KCND2: variants seen among roughly 807,000 people sequenced by gnomAD.
KCND2 encodes A-type voltage-gated potassium channel KCND2.
In KCND2, 16 loss-of-function variants were observed where a neutral mutation model predicts 54.4. That is an observed-to-expected ratio of 0.29 (90% CI 0.20 to 0.45). KCND2 has a LOEUF of 0.45. KCND2 is among the 20% of genes least tolerant of loss of function. KCND2 has a pLI of 1.00. For missense variants in KCND2, 486 were observed against 824.2 expected (o/e 0.59, Z 5.02); for synonymous variants, 317 against 310.7 (o/e 1.02, Z -0.21).
intron 1 of KCND2, among the ~76,000 whole-genome samples, chr7:120,384,848 G>A (rs1800965031): frequency 6.6e-6 from 1 of 152,060 alleles, no homozygotes; most frequent in South Asian, 2.1e-4. Context: ...TACACAAGGA[G>A]AACTTGTGCC....
chr7:120,421,956 G>A (rs905448775), intron 1 of KCND2, among the ~76,000 whole-genome samples: 2 of 152,146 alleles, frequency 1.3e-5, no homozygotes, highest in South Asian at 4.1e-4. Flanking sequence ...GATGGCAGCT[G>A]GGAAATTCAG....
At chr7:120,627,245 A>C (rs764170417) in intron 1 of KCND2, among the ~76,000 whole-genome samples, 2 of 152,210 alleles carry the variant, frequency 1.3e-5, no homozygotes, top group Non-Finnish European at 2.9e-5. Context: ...TTTTTTATGT[A>C]GAAGAAGAGA....
At chr7:120,468,014 T>G (rs1421288378) in intron 1 of KCND2, among the ~76,000 whole-genome samples, 1 of 152,116 alleles carries the variant, frequency 6.6e-6, no homozygotes, top group Non-Finnish European at 1.5e-5. Context: ...AAATGACAAT[T>G]ATATGTATAT....
intron 1 of KCND2, among the ~76,000 whole-genome samples, chr7:120,296,345 C>CT (rs1485930387): frequency 6.6e-6 from 1 of 152,024 alleles, no homozygotes; most frequent in East Asian, 1.9e-4. Context: ...CACAAAGTTT[C>CT]TAAGTACTGG....
At chr7:120,297,120 C>T (rs1799522918) in intron 1 of KCND2, among the ~76,000 whole-genome samples, 1 of 151,936 alleles carries the variant, frequency 6.6e-6, no homozygotes, top group African/African-American at 2.4e-5. Context: ...GTATCCATTA[C>T]CCACATCACG....
Position 120,444,913 on chromosome 7 carries a change from C to T in KCND2, c.1115+169166C>T, listed in dbSNP as rs185379806. On this transcript the variant is annotated intron_variant, in intron 1 of 5. Transcript: ENST00000331113. ...ATTAACACTTACCTCAGTGGAAGCA[C>T]GACCTCAACTGTCATTGGGCATGTT... Among the ~76,000 whole-genome samples the T allele has an allele frequency of 7.9e-5, 12 of 152,138 alleles. No homozygotes were observed. The East Asian group carries it at 1.5e-3, about 20-fold the overall frequency.
chr7:120,479,962 C>CAAA (rs35246643), intron 1 of KCND2, among the ~76,000 whole-genome samples: 2 of 68,860 alleles, frequency 2.9e-5, no homozygotes, highest in African/African-American at 5.7e-5. Flanking sequence ...GTAAGACTGT[C>CAAA]AAAAAAAAAA....
intron 2 of KCND2, among the ~76,000 whole-genome samples, chr7:120,733,417 A>G (rs1207018612): frequency 6.6e-6 from 1 of 152,168 alleles, no homozygotes; most frequent in East Asian, 1.9e-4. Flanking sequence ...CTATTGCATT[A>G]ACCAAAGCAA....
intron 2 of KCND2, among the ~76,000 whole-genome samples, chr7:120,737,093 A>C (rs1185121930): frequency 6.7e-6 from 1 of 148,242 alleles, no homozygotes; most frequent in African/African-American, 2.5e-5. Context: ...AAAAAAAAAA[A>C]CAAAACAAAA....
At chr7:120,546,767 T>C (rs956240590) in intron 1 of KCND2, among the ~76,000 whole-genome samples, 1 of 152,028 alleles carries the variant, frequency 6.6e-6, no homozygotes, top group Non-Finnish European at 1.5e-5. Context: ...ATTATCTACA[T>C]GGCTAAGAAT....
At chr7:120,324,538 A>G (rs1435263475) in intron 1 of KCND2, among the ~76,000 whole-genome samples, 3 of 150,068 alleles carry the variant, frequency 2.0e-5, no homozygotes, top group Non-Finnish European at 3.0e-5. Flanking sequence ...TTTTCCCAGC[A>G]CCATTTATTA....
intron 1 of KCND2, among the ~76,000 whole-genome samples, chr7:120,524,548 G>A (rs929264034): frequency 1.3e-5 from 2 of 151,820 alleles, no homozygotes; most frequent in South Asian, 2.1e-4. Flanking sequence ...TGTAACTATT[G>A]TGCTTTTACC....
chr7:120,351,370 A>G (rs912944831), intron 1 of KCND2, among the ~76,000 whole-genome samples: 15 of 5,384 alleles, frequency 2.8e-3, no homozygotes, highest in Admixed American at 5.1e-3. Context: ...GAGCATACAC[A>G]CACACACACA....
intron 1 of KCND2, among the ~76,000 whole-genome samples, chr7:120,678,392 GACACATACACACATATATAT>G (rs201716394): frequency 0.02 from 2,511 of 124,528 alleles, 140 homozygotes; most frequent in East Asian, 0.14. Context: ...CACATATATA[GACACATACACACATATATAT>G]ACACATACAC....
chr7:120,685,502 A>G (rs1265556206), intron 1 of KCND2, among the ~76,000 whole-genome samples: 2 of 152,114 alleles, frequency 1.3e-5, no homozygotes, highest in Non-Finnish European at 2.9e-5. Flanking sequence ...CAGTGGCAAA[A>G]TTTGGTACTC....
At chr7:120,462,560 A>C (rs1166896845) in intron 1 of KCND2, among the ~76,000 whole-genome samples, 1 of 152,064 alleles carries the variant, frequency 6.6e-6, no homozygotes, top group East Asian at 1.9e-4. Flanking sequence ...ACAGAATAAT[A>C]TTTATGAGTA....
intron 1 of KCND2, among the ~76,000 whole-genome samples, chr7:120,629,642 A>G (rs964340685): frequency 6.6e-6 from 1 of 152,222 alleles, no homozygotes; most frequent in Non-Finnish European, 1.5e-5. Flanking sequence ...GATGGGGTCA[A>G]GGTGGACGCT....
chr7:120,692,788 G>A (rs1341467813), intron 1 of KCND2, among the ~76,000 whole-genome samples: 1 of 152,084 alleles, frequency 6.6e-6, no homozygotes, highest in African/African-American at 2.4e-5. Context: ...GCCCCTGTGG[G>A]GCATTTCACA....
intron 1 of KCND2, among the ~76,000 whole-genome samples, chr7:120,329,494 T>G (rs2116344762): frequency 6.6e-6 from 1 of 152,288 alleles, no homozygotes; most frequent in African/African-American, 2.4e-5. Context: ...ATGTTTATTC[T>G]GATGCTATTT....
Sources: gnomAD v4.1 joint callset for allele counts (sites outside exome capture counted in the v4.1 genomes callset) on GRCh38, gnomAD v4.1.1 for gene constraint, MANE v1.5 for transcripts, NCBI Gene and HGNC (gene_info 2026-07-23, HGNC 2026-07-21) for gene names.